Variants in MET observed in about 807,000 individuals in gnomAD.
MET encodes the protein MET proto-oncogene, receptor tyrosine kinase, also known as hepatocyte growth factor receptor.
MET carries 48 observed loss-of-function variants against 133.1 expected under a neutral mutation model. That is an observed-to-expected ratio of 0.36 (90% CI 0.29 to 0.46). The LOEUF is 0.46. Ranked by LOEUF, MET falls within the 20% of genes least tolerant of loss-of-function variation. MET has a pLI of 1.00. For missense variants in MET, 1,442 were observed against 1,695.9 expected (o/e 0.85, Z 2.63); for synonymous variants, 628 against 616.5 (o/e 1.02, Z -0.28).
chr7:116,678,176 C>T (rs1051429032), intron 1 of MET, among the ~76,000 whole-genome samples: 15 of 152,282 alleles, frequency 9.9e-5, no homozygotes, highest in East Asian at 9.6e-4. Flanking sequence ...AATTTGTTTC[C>T]TTTAATCCTA....
At position 116,757,412 on chromosome 7, in the gene MET, A is replaced by G. The variant is rs201530909; in HGVS notation, c.1863-25A>G. On this transcript the variant is annotated intron_variant, in intron 6 of 20. Transcript: ENST00000397752. ...AGAAAATTCCTTGGATTTGTCATGT[A>G]TTAAACTTTGGGTTTTTTTTCCAGA... 8 of 1,593,942 alleles carry G rather than the reference A, an allele frequency of 5.0e-6. No homozygotes were observed. In the East Asian group the frequency reaches 1.6e-4, roughly 31 times the overall value.
rs1044096407 is a variant in MET at position 116,672,421 on chromosome 7, G to C, written c.-171G>C. The C allele has an allele frequency of 2.5e-5, 10 of 393,902 alleles. No individual in the cohort carries two copies. The highest frequency in any genetic ancestry group is 2.1e-4 in the African/African-American group (10 of 48,336). The allele number at this position is 393,902 out of a possible 1,614,324, so 24.4% of individuals were successfully genotyped here. Reference sequence around the variant, plus strand: ...GACCCGGAGGCCCTCGCCGCCCGCGGCGCCCCGAGCGCTTTGTGAGCAGAT... The same window carrying C: ...GACCCGGAGGCCCTCGCCGCCCGCGCCGCCCCGAGCGCTTTGTGAGCAGAT... On this transcript the variant is annotated 5_prime_UTR_variant, in exon 1 of 21. Transcript: ENST00000397752.
intron 8 of MET, 94 bp from the exon 9 acceptor site, chr7:116,758,365 C>T: frequency 7.7e-7 from 1 of 1,301,318 alleles, no homozygotes. Context: ...CACTTAGGAA[C>T]CATTGAGTTA....
chr7:116,759,993 T>C (rs1262486155), intron 10 of MET, among the ~76,000 whole-genome samples: 1 of 152,172 alleles, frequency 6.6e-6, no homozygotes, highest in Non-Finnish European at 1.5e-5. Flanking sequence ...GCCAGGCTGG[T>C]CTTGAACTCT....
intron 2 of MET, among the ~76,000 whole-genome samples, chr7:116,725,632 G>T (rs1281446375): frequency 6.6e-6 from 1 of 151,422 alleles, no homozygotes; most frequent in African/African-American, 2.4e-5. Context: ...TAGGCTGTAT[G>T]GTATGACCTT....
intron 1 of MET, among the ~76,000 whole-genome samples, chr7:116,684,313 C>A (rs1796467003): frequency 6.6e-6 from 1 of 152,130 alleles, no homozygotes; most frequent in South Asian, 2.1e-4. Context: ...CAGGAACATT[C>A]TTTTGTATAT....
chr7:116,674,236 T>C (rs185323698), intron 1 of MET, among the ~76,000 whole-genome samples: 3 of 152,282 alleles, frequency 2.0e-5, no homozygotes, highest in Non-Finnish European at 4.4e-5. Context: ...ATGGAGTTTA[T>C]CTTCATGATA....
chr7:116,789,505 G>A (rs1795418709), intron 19 of MET, among the ~76,000 whole-genome samples: 1 of 152,126 alleles, frequency 6.6e-6, no homozygotes, highest in Non-Finnish European at 1.5e-5. Context: ...CAACAATCAG[G>A]ACATAGAACA....
At position 116,708,861 on chromosome 7, in the gene MET, G is replaced by A. The variant is rs137929201; in HGVS notation, c.1200+8577G>A. On this transcript the variant is annotated intron_variant, in intron 2 of 20. Transcript: ENST00000397752. The stretch of plus-strand genomic sequence containing the variant: ...TTGTCCTTTTACCAATAAGTTTTAT[G>A]ACCAAGAGAAACATAAGAATCTGAG... Among the ~76,000 whole-genome samples, 176 of 152,186 alleles carry A rather than the reference G, an allele frequency of 1.2e-3. 2 individuals carry two copies. In the East Asian group the frequency reaches 0.013, roughly 11 times the overall value.
intron 1 of MET, among the ~76,000 whole-genome samples, chr7:116,685,886 G>A (rs899307459): frequency 1.3e-5 from 2 of 151,722 alleles, no homozygotes; most frequent in Non-Finnish European, 2.9e-5. Context: ...CAGTAAATCC[G>A]GATGGAGTTC....
At chr7:116,719,989 A>G (rs1417141852) in intron 2 of MET, among the ~76,000 whole-genome samples, 7 of 151,514 alleles carry the variant, frequency 4.6e-5, no homozygotes, top group Admixed American at 6.6e-5. Flanking sequence ...TTTTGGTTCC[A>G]TATGAACTTT....
intron 3 of MET, 101 bp from the exon 4 acceptor site, chr7:116,739,849 A>G: frequency 6.5e-7 from 1 of 1,535,120 alleles, no homozygotes; most frequent in Non-Finnish European, 9.0e-7. Flanking sequence ...AAACACCCAC[A>G]AGCCCTGCTA....
chr7:116,715,214 G>C (rs1270343851), intron 2 of MET, among the ~76,000 whole-genome samples: 1 of 152,110 alleles, frequency 6.6e-6, no homozygotes, highest in Non-Finnish European at 1.5e-5. Context: ...CCACAAACTG[G>C]GTGGCTGAAA....
chr7:116,677,390 G>A (rs1055892368), intron 1 of MET, among the ~76,000 whole-genome samples: 23 of 152,160 alleles, frequency 1.5e-4, no homozygotes, highest in African/African-American at 5.6e-4. Flanking sequence ...ACTTAAATGA[G>A]GAAAACTAAC....
intron 12 of MET, 79 bp downstream of exon 12, chr7:116,769,870 A>G: frequency 1.9e-6 from 3 of 1,588,918 alleles, no homozygotes; most frequent in South Asian, 2.2e-5. Flanking sequence ...AAAATAAATC[A>G]TTAAAGCTCA....
At chr7:116,773,191 A>G (rs1379048138) in intron 14 of MET, among the ~76,000 whole-genome samples, 1 of 152,168 alleles carries the variant, frequency 6.6e-6, no homozygotes, top group Non-Finnish European at 1.5e-5. Flanking sequence ...GGAGACATGA[A>G]AAGAAAACAG....
intron 16 of MET, 80 bp from the exon 17 acceptor site, chr7:116,778,696 A>T: frequency 6.9e-7 from 1 of 1,439,982 alleles, no homozygotes; most frequent in Non-Finnish European, 9.7e-7. Context: ...TTACCATTTC[A>T]TTGCTCTTCC....
At chr7:116,753,361 G>A (rs897327219) in intron 5 of MET, among the ~76,000 whole-genome samples, 2 of 152,178 alleles carry the variant, frequency 1.3e-5, no homozygotes, top group African/African-American at 4.8e-5. Context: ...ACCCCCAAAA[G>A]AGCATTTCCT....
At chr7:116,794,109 T>G (rs1324236890) in intron 19 of MET, among the ~76,000 whole-genome samples, 2 of 152,148 alleles carry the variant, frequency 1.3e-5, no homozygotes, top group East Asian at 3.8e-4. Flanking sequence ...CCTTTGTACC[T>G]CTTTGATATT....
Sources: gnomAD v4.1 joint callset for allele counts (sites outside exome capture counted in the v4.1 genomes callset) on GRCh38, gnomAD v4.1.1 for gene constraint, MANE v1.5 for transcripts, NCBI Gene and HGNC (gene_info 2026-07-23, HGNC 2026-07-21) for gene names.